PDE1A: variants seen among roughly 807,000 people sequenced by gnomAD.
PDE1A encodes dual specificity calcium/calmodulin-dependent 3',5'-cyclic nucleotide phosphodiesterase 1A.
A neutral mutation model predicts 61.7 loss-of-function variants in PDE1A; 35 were observed. The ratio of observed to expected loss-of-function variants is 0.57; its 90% CI spans 0.43 to 0.75. The LOEUF (loss-of-function observed/expected upper bound fraction) is 0.75, where lower values mean the gene tolerates loss of function less well. Among genes scored for constraint, PDE1A ranks in the 30% least tolerant of loss-of-function variants. The pLI is 0.00. For missense variants in PDE1A, 597 were observed against 630.6 expected (o/e 0.95, Z 0.57); for synonymous variants, 232 against 213.2 (o/e 1.09, Z -0.77).
intron 2 of PDE1A, among the ~76,000 whole-genome samples, chr2:182,480,022 CT>C (rs1687609453): frequency 6.6e-6 from 1 of 151,842 alleles, no homozygotes; most frequent in African/African-American, 2.4e-5. Flanking sequence ...ATACAAGGGA[CT>C]TTTTCTATTA....
the PDE1A span, among the ~76,000 whole-genome samples, chr2:182,664,788 AG>A: frequency 7.2e-4 from 109 of 152,326 alleles, no homozygotes; most frequent in African/African-American, 2.5e-3. Flanking sequence ...AAAATATCAA[AG>A]GCTTCATGAT....
chr2:182,715,056 C>A, the PDE1A span, among the ~76,000 whole-genome samples: 1 of 152,098 alleles, frequency 6.6e-6, no homozygotes, highest in East Asian at 1.9e-4. Flanking sequence ...TGTCTGTGAT[C>A]TGGTCCCTGC....
chr2:182,225,671 A>C lies in PDE1A; in HGVS notation c.676-1707T>G, dbSNP rs549357836. 8.9e-4 allele frequency among the ~76,000 whole-genome samples: 134 copies of C among 150,824 alleles called. 5 individuals carry two copies. The highest frequency in any genetic ancestry group is 1.6e-3 in the Non-Finnish European group (107 of 67,866). ...CTTTCCCCTATGGGGTTTAAAAAGA[A>C]GTTTTGGGTTAATGTATGCACTGCA... On this transcript the variant is annotated intron_variant, in intron 6 of 13. Transcript: ENST00000351439.
intron 2 of PDE1A, among the ~76,000 whole-genome samples, chr2:182,454,005 A>G (rs1165162379): frequency 2.0e-5 from 3 of 152,034 alleles, no homozygotes; most frequent in Non-Finnish European, 4.4e-5. Context: ...ACATGACTGT[A>G]TATCTAGAAA....
chr2:182,280,051 T>A (rs975943370), intron 1 of PDE1A, among the ~76,000 whole-genome samples: 2 of 151,982 alleles, frequency 1.3e-5, no homozygotes, highest in Non-Finnish European at 2.9e-5. Context: ...GTAACATTAA[T>A]AATCAAGGTT....
intron 10 of PDE1A, among the ~76,000 whole-genome samples, chr2:182,191,237 C>T (rs1290606031): frequency 6.6e-6 from 1 of 152,000 alleles, no homozygotes; most frequent in African/African-American, 2.4e-5. Context: ...GACTCCTTGG[C>T]TTCCAGTGCG....
chr2:182,682,160 A>C, the PDE1A span, among the ~76,000 whole-genome samples: 3 of 152,090 alleles, frequency 2.0e-5, no homozygotes, highest in African/African-American at 7.2e-5. Flanking sequence ...TACCTGAGAG[A>C]GATTGTTACG....
At chr2:182,221,392 A>G (rs561779688) in intron 7 of PDE1A, among the ~76,000 whole-genome samples, 39 of 152,224 alleles carry the variant, frequency 2.6e-4, no homozygotes, top group African/African-American at 8.9e-4. Context: ...AATCCTCCAC[A>G]TCGTGGATCC....
the PDE1A span, among the ~76,000 whole-genome samples, chr2:182,707,408 A>G: frequency 6.6e-6 from 1 of 152,194 alleles, no homozygotes; most frequent in Non-Finnish European, 1.5e-5. Context: ...GATTAAGAAA[A>G]ATGAGAAAGA....
intron 2 of PDE1A, among the ~76,000 whole-genome samples, chr2:182,517,716 T>G (rs908093499): frequency 6.6e-6 from 1 of 152,216 alleles, no homozygotes; most frequent in Non-Finnish European, 1.5e-5. Flanking sequence ...TCTTTGCACA[T>G]TTTTAACAGG....
chr2:182,325,467 T>A (rs944994999), intron 1 of PDE1A, among the ~76,000 whole-genome samples: 2 of 151,902 alleles, frequency 1.3e-5, no homozygotes, highest in Non-Finnish European at 2.9e-5. Flanking sequence ...TGGAAAAAAA[T>A]TGAGTTCATT....
At chr2:182,503,980 C>T (rs532959075) in intron 2 of PDE1A, among the ~76,000 whole-genome samples, 1 of 152,298 alleles carries the variant, frequency 6.6e-6, no homozygotes, top group South Asian at 2.1e-4. Flanking sequence ...AATATTAACC[C>T]TACTTTCCAA....
intron 13 of PDE1A, among the ~76,000 whole-genome samples, chr2:182,152,685 T>C (rs1244641122): frequency 6.6e-6 from 1 of 152,148 alleles, no homozygotes; most frequent in African/African-American, 2.4e-5. Flanking sequence ...CCTCCCAAAG[T>C]GCTGGGATTA....
At chr2:182,305,930 A>T (rs1424385665) in intron 1 of PDE1A, among the ~76,000 whole-genome samples, 2 of 152,156 alleles carry the variant, frequency 1.3e-5, no homozygotes, top group Non-Finnish European at 2.9e-5. Context: ...TAAAATATAC[A>T]ATACACTATT....
intron 2 of PDE1A, among the ~76,000 whole-genome samples, chr2:182,441,125 C>T (rs1364869875): frequency 6.6e-6 from 1 of 152,000 alleles, no homozygotes; most frequent in Non-Finnish European, 1.5e-5. Context: ...GGCAAGACGG[C>T]TTGTGCAGGA....
chr2:182,201,394 A>C (rs975525375), intron 10 of PDE1A, 45 bp downstream of exon 10: 1 of 1,608,174 alleles, frequency 6.2e-7, no homozygotes, highest in Non-Finnish European at 8.5e-7. Context: ...TAATATGCAC[A>C]GTCACTATTT....
chr2:182,603,511 G>A, the PDE1A span, among the ~76,000 whole-genome samples: 1 of 152,018 alleles, frequency 6.6e-6, no homozygotes, highest in East Asian at 1.9e-4. Context: ...CCACACCCCA[G>A]CTAATTTTGG....
At chr2:182,237,240 C>A (rs535523766) in intron 3 of PDE1A, among the ~76,000 whole-genome samples, 2 of 152,294 alleles carry the variant, frequency 1.3e-5, no homozygotes, top group Non-Finnish European at 2.9e-5. Flanking sequence ...CGCCTGTAAT[C>A]CCAGAACTTT....
At chr2:182,320,527 C>G (rs183057921) in intron 1 of PDE1A, among the ~76,000 whole-genome samples, 13 of 152,094 alleles carry the variant, frequency 8.5e-5, no homozygotes, top group Non-Finnish European at 1.3e-4. Context: ...TTATCTGGAA[C>G]AGAAAAAACA....
Sources: gnomAD v4.1 joint callset for allele counts (sites outside exome capture counted in the v4.1 genomes callset) on GRCh38, gnomAD v4.1.1 for gene constraint, MANE v1.5 for transcripts, NCBI Gene and HGNC (gene_info 2026-07-23, HGNC 2026-07-21) for gene names.